CXCL13: variants seen among roughly 807,000 people sequenced by gnomAD.
The protein encoded by CXCL13 is C-X-C motif chemokine ligand 13.
A neutral mutation model predicts 12.2 loss-of-function variants in CXCL13; 7 were observed. The ratio of observed to expected loss-of-function variants is 0.57; its 90% CI spans 0.33 to 1.07. CXCL13 has a LOEUF of 1.07. Among genes scored for constraint, CXCL13 ranks in the 50% least tolerant of loss-of-function variants. The probability of loss-of-function intolerance (pLI) is 0.04; values close to 1 mark genes in which losing one functional copy is unlikely to be tolerated. For missense variants in CXCL13, 113 were observed against 127.4 expected (o/e 0.89, Z 0.55); for synonymous variants, 47 against 42.4 (o/e 1.11, Z -0.42).
At chr4:77,595,393 G>A (rs182586803) in intron 1 of CXCL13, among the ~76,000 whole-genome samples, 3 of 152,264 alleles carry the variant, frequency 2.0e-5, no homozygotes, top group Admixed American at 6.5e-5. Context: ...CGGTACCACA[G>A]ACCACATCTT....
At chr4:77,605,985 C>A in intron 1 of CXCL13, 56 bp downstream of exon 1, 6 of 1,260,904 alleles carry the variant, frequency 4.8e-6, no homozygotes, top group Non-Finnish European at 6.7e-6. Context: ...TCTTTAACCA[C>A]TTCAATTTTC....
chr4:77,539,142 G>A (rs1725140643), intron 1 of CXCL13, among the ~76,000 whole-genome samples: 1 of 150,528 alleles, frequency 6.6e-6, no homozygotes, highest in Non-Finnish European at 1.5e-5. Context: ...TCAGCTCACT[G>A]CAACCTCTGC....
At chr4:77,520,541 C>G (rs374999338) in intron 1 of CXCL13, among the ~76,000 whole-genome samples, 2 of 152,164 alleles carry the variant, frequency 1.3e-5, no homozygotes, top group Admixed American at 6.5e-5. Context: ...TATAGAAATG[C>G]TTGTGATTTT....
At chr4:77,544,947 C>T (rs371835923) in intron 1 of CXCL13, among the ~76,000 whole-genome samples, 2 of 152,042 alleles carry the variant, frequency 1.3e-5, no homozygotes, top group East Asian at 1.9e-4. Context: ...AGGGATCCAG[C>T]TTCAGCTTTC....
At chr4:77,522,828 G>A (rs934619349) in intron 1 of CXCL13, among the ~76,000 whole-genome samples, 1 of 151,996 alleles carries the variant, frequency 6.6e-6, no homozygotes, top group Non-Finnish European at 1.5e-5. Flanking sequence ...TATTTGGCAT[G>A]ATTTGCAGTG....
chr4:77,588,129 A>C (rs1009349013), intron 1 of CXCL13, among the ~76,000 whole-genome samples: 3 of 133,144 alleles, frequency 2.3e-5, no homozygotes, highest in African/African-American at 1.0e-4. Flanking sequence ...TGACCCTACA[A>C]AGGATTAAAA....
At chr4:77,609,326 G>T (rs58520114) in intron 2 of CXCL13, among the ~76,000 whole-genome samples, 10,567 of 150,362 alleles carry the variant, frequency 0.07, 1,121 homozygotes, top group African/African-American at 0.24. Flanking sequence ...GTTTTGTTTT[G>T]TTTTGAGACA....
intron 1 of CXCL13, among the ~76,000 whole-genome samples, chr4:77,557,537 T>C (rs1165937542): frequency 6.6e-6 from 1 of 152,206 alleles, no homozygotes; most frequent in South Asian, 2.1e-4. Context: ...AGGGACACTG[T>C]TTTCTATTAA....
At position 77,610,991 on chromosome 4, in the gene CXCL13, A is replaced by T. The variant is rs1308889120; in HGVS notation, c.282A>T (p.Arg94Ser). 1 of 1,610,510 alleles carries T rather than the reference A, an allele frequency of 6.2e-7. No homozygotes were observed. The highest frequency in any genetic ancestry group is 2.2e-5 in the East Asian group (1 of 44,874). Residue 94 changes from arginine to serine, a missense_variant, in exon 4 of 4, where the codon AGA becomes AGT. Transcript: ENST00000682537. ...IQRMMEVLRK[R>S]SSSTLPVPVF... ...TGTTTTTGTTTCTGCTTCACAGAAG[A>T]AGTTCTTCAACTCTACCAGTTCCAG... is the stretch of plus-strand genomic sequence containing the variant.
At chr4:77,522,996 A>G (rs909641718) in intron 1 of CXCL13, among the ~76,000 whole-genome samples, 1 of 152,130 alleles carries the variant, frequency 6.6e-6, no homozygotes, top group Non-Finnish European at 1.5e-5. Flanking sequence ...ATTAAATTCT[A>G]GGTTGAAAAT....
At chr4:77,554,331 G>T (rs1725608401) in intron 1 of CXCL13, among the ~76,000 whole-genome samples, 1 of 152,124 alleles carries the variant, frequency 6.6e-6, no homozygotes, top group South Asian at 2.1e-4. Context: ...AAACTAGAGT[G>T]ATGTTTCAGG....
chr4:77,544,195 C>T (rs559957768), intron 1 of CXCL13, among the ~76,000 whole-genome samples: 37 of 152,132 alleles, frequency 2.4e-4, no homozygotes, highest in South Asian at 1.0e-3. Context: ...GGAATAGTGC[C>T]GCAATAAACG....
rs1455250545 is a variant in CXCL13 at position 77,610,665 on chromosome 4, G to A, written c.249G>A (p.Trp83Ter). Residue 83 changes from tryptophan (W) to a stop codon, truncating the protein, a stop_gained, in exon 3 of 4, where the codon TGG becomes TGA. Transcript: ENST00000682537. LOFTEE classifies it low-confidence loss of function (END_TRUNC). ...TGTGTGTGGACCCTCAAGCTGAATG[G>A]ATACAAAGAATGATGGAAGTATTGA... ...SIVCVDPQAE[W>*]IQRMMEVLRK... 6.2e-7 allele frequency: 1 copy of A among 1,613,338 alleles called. No individual in the cohort carries two copies. The highest frequency in any genetic ancestry group is 1.1e-5 in the South Asian group (1 of 91,060).
Position 77,591,550 on chromosome 4 carries a change from CAAAAAAAAAAA to C in CXCL13, c.-42-14261_-42-14251del, listed in dbSNP as rs780283463. Among the ~76,000 whole-genome samples the C allele has an allele frequency of 3.9e-4, 19 of 48,616 alleles. 1 individual carries two copies. Among genetic ancestry groups the C allele is most frequent in the Admixed American group, 3.3e-3 (16 of 4,800 alleles). The allele number at this position is 48,616 out of a possible 152,430, so 31.9% of individuals were successfully genotyped here. On this transcript the variant is annotated intron_variant, in intron 1 of 4. Transcript: ENST00000286758. ...TGGATGACAGAGCAAGACTCCATCT[CAAAAAAAAAAA>C]AAAAAAAAAAAAGTTTCTCAAATTT... is the stretch of plus-strand genomic sequence containing the variant.
chr4:77,527,922 C>G (rs1283515472), intron 1 of CXCL13, among the ~76,000 whole-genome samples: 1 of 152,084 alleles, frequency 6.6e-6, no homozygotes, highest in African/African-American at 2.4e-5. Context: ...AATGCTATCC[C>G]TCCCCTATCC....
At chr4:77,526,774 C>T (rs1187822670) in intron 1 of CXCL13, among the ~76,000 whole-genome samples, 2 of 152,068 alleles carry the variant, frequency 1.3e-5, no homozygotes, top group Non-Finnish European at 2.9e-5. Flanking sequence ...CAAAGAGGAA[C>T]ACACAGGACT....
chr4:77,536,623 G>C (rs1725063669), intron 1 of CXCL13, among the ~76,000 whole-genome samples: 1 of 152,172 alleles, frequency 6.6e-6, no homozygotes. Context: ...GCATGGTGCT[G>C]GGTAAGAGTA....
chr4:77,532,453 A>T (rs1724951524), intron 1 of CXCL13, among the ~76,000 whole-genome samples: 1 of 152,102 alleles, frequency 6.6e-6, no homozygotes, highest in Non-Finnish European at 1.5e-5. Flanking sequence ...GGGTAACCTG[A>T]CCTTTCTCTC....
At chr4:77,606,394 A>G (rs1174693649) in intron 1 of CXCL13, among the ~76,000 whole-genome samples, 1 of 152,208 alleles carries the variant, frequency 6.6e-6, no homozygotes, top group Non-Finnish European at 1.5e-5. Context: ...CACCAGGGGT[A>G]TTTACACACA....
Sources: gnomAD v4.1 joint callset for allele counts (sites outside exome capture counted in the v4.1 genomes callset) on GRCh38, gnomAD v4.1.1 for gene constraint, MANE v1.5 for transcripts, NCBI Gene and HGNC (gene_info 2026-07-23, HGNC 2026-07-21) for gene names.